The following IFITM10 variants were observed in gnomAD, a reference collection of about 807,000 sequenced individuals.
The protein encoded by IFITM10 is interferon induced transmembrane protein 10.
In IFITM10, 17 loss-of-function variants were observed where a neutral mutation model predicts 19.0. The observed-to-expected ratio is 0.90, with a 90% CI of 0.61 to 1.34. IFITM10 has a LOEUF of 1.34. Among genes scored for constraint, IFITM10 ranks in the 40% most tolerant of loss-of-function variants. The pLI is 0.00. For synonymous variants in IFITM10, 148 were observed against 147.2 expected, an observed-to-expected ratio of 1.01 and a Z score of -0.04; for missense variants, 306 against 319.8, an observed-to-expected ratio of 0.96 and a Z score of 0.33.
At chr11:1,736,381 A>C (rs952638109) in intron 2 of IFITM10, among the ~76,000 whole-genome samples, 7 of 152,136 alleles carry the variant, frequency 4.6e-5, no homozygotes, top group African/African-American at 1.7e-4. Context: ...ATGGATGTGT[A>C]ATTGAGTGGG....
At position 1,735,082 on chromosome 11, in the gene IFITM10, G is replaced by T; in HGVS notation, c.*198C>A. 1.7e-6 allele frequency: 1 copy of T among 589,180 alleles called. No individual in the cohort carries two copies. 36.5% of individuals were successfully genotyped at this position (589,180 alleles called of 1,614,324 possible). On this transcript the variant is annotated 3_prime_UTR_variant, in exon 3 of 3. Coordinates refer to ENST00000340134, the MANE Select transcript of IFITM10 (RefSeq NM_001170820.4). ...AGGGTGGAGGCCAGGAGGCGGAGGG[G>T]GTGGACTGAGGGCCAAGCTCACTGC...
intron 2 of IFITM10, among the ~76,000 whole-genome samples, chr11:1,742,939 GGATA>G (rs1022578338): frequency 2.6e-5 from 4 of 151,828 alleles, no homozygotes; most frequent in Admixed American, 1.3e-4. Flanking sequence ...GAGGATGGAT[GGATA>G]GATGGATGGA....
chr11:1,733,358 T>G lies in IFITM10; in HGVS notation c.*1922A>C, dbSNP rs1851048861. 6.6e-6 allele frequency: 1 copy of G among 152,178 alleles called. No homozygotes were observed. Among genetic ancestry groups the G allele is most frequent in the Admixed American group, 6.6e-5 (1 of 15,260 alleles). The allele number at this position is 152,178 out of a possible 1,614,324, so 9.4% of individuals were successfully genotyped here. Reference sequence around the variant, plus strand: ...CCCACCCTGTCCCCTCTCTCGACTCTGACCCCCAAGCCCTCCCATTTTGAG... The same window carrying G: ...CCCACCCTGTCCCCTCTCTCGACTCGGACCCCCAAGCCCTCCCATTTTGAG... On this transcript the variant is annotated 3_prime_UTR_variant, in exon 3 of 3. Coordinates refer to ENST00000340134, the MANE Select transcript of IFITM10 (RefSeq NM_001170820.4). The surrounding 1 kb of genome is among the most constrained non-coding windows in gnomAD (Gnocchi z 6.3).
rs1249253696 is a variant in IFITM10 at position 1,733,345 on chromosome 11, C to T, written c.*1935G>A. The T allele has an allele frequency of 6.6e-6, 1 of 152,340 alleles. No individual in the cohort carries two copies. The highest frequency in any genetic ancestry group is 1.9e-4 in the East Asian group (1 of 5,158). The allele number at this position is 152,340 out of a possible 1,614,324, so 9.4% of individuals were successfully genotyped here. A position where few individuals can be genotyped will look rare whatever the true frequency, so the allele number is the denominator to read the frequency against. On this transcript the variant is annotated 3_prime_UTR_variant, in exon 3 of 3. Coordinates refer to ENST00000340134, the MANE Select transcript of IFITM10 (RefSeq NM_001170820.4). This position sits in a 1 kb window ranked among gnomAD's most constrained non-coding sequence, Gnocchi z 6.3. ...GTCCCACATGGTCCCCACCCTGTCC[C>T]CTCTCTCGACTCTGACCCCCAAGCC...
chr11:1,745,023 C>G (rs954911708), intron 2 of IFITM10: 1 of 152,542 alleles, frequency 6.6e-6, no homozygotes, highest in Non-Finnish European at 1.5e-5. Context: ...CACCCACTCC[C>G]AGGTATGCCC....
intron 1 of IFITM10, chr11:1,748,718 C>A (rs1453833718): frequency 6.6e-6 from 1 of 152,292 alleles, no homozygotes; most frequent in African/African-American, 2.4e-5. Context: ...GCCACGAGCA[C>A]CAAGAACCGG....
At chr11:1,736,268 G>A (rs1263329256) in intron 2 of IFITM10, among the ~76,000 whole-genome samples, 1 of 152,176 alleles carries the variant, frequency 6.6e-6, no homozygotes, top group African/African-American at 2.4e-5. Flanking sequence ...TAGATACTGG[G>A]GCTGACTAAT....
chr11:1,738,493 C>A (rs975026572), intron 2 of IFITM10, among the ~76,000 whole-genome samples: 9 of 152,050 alleles, frequency 5.9e-5, no homozygotes, highest in African/African-American at 2.2e-4. Flanking sequence ...TCCAAGTGGA[C>A]AGATGGATAT....
At chr11:1,750,190 A>G (rs1590901222) in intron 1 of IFITM10, 169 bp downstream of exon 1, 2 of 707,554 alleles carry the variant, frequency 2.8e-6, no homozygotes, top group African/African-American at 1.9e-5. Flanking sequence ...CGCCTCCGCT[A>G]CCCCACCACA....
At chr11:1,737,266 TCTAA>T (rs1321125613) in intron 2 of IFITM10, among the ~76,000 whole-genome samples, 5 of 152,366 alleles carry the variant, frequency 3.3e-5, no homozygotes, top group East Asian at 1.9e-4. Context: ...AAATTGCATG[TCTAA>T]CTGATTTTGT....
At chr11:1,749,530 A>C (rs1845694230) in intron 1 of IFITM10, among the ~76,000 whole-genome samples, 1 of 122,630 alleles carries the variant, frequency 8.2e-6, no homozygotes, top group Admixed American at 9.2e-5. Context: ...TCCTCTTCCC[A>C]CTCTCCCCAT....
intron 2 of IFITM10, among the ~76,000 whole-genome samples, chr11:1,737,738 C>A (rs1045884965): frequency 9.9e-5 from 15 of 152,230 alleles, no homozygotes; most frequent in Admixed American, 5.2e-4. Flanking sequence ...CTCATCTTAT[C>A]ATTAGAGGTC....
At position 1,734,973 on chromosome 11, in the gene IFITM10, A is replaced by C; in HGVS notation, c.*307T>G. 2 of 384,792 alleles carry C rather than the reference A, an allele frequency of 5.2e-6. No individual in the cohort carries two copies. Among genetic ancestry groups the C allele is most frequent in the Non-Finnish European group, 4.7e-6 (1 of 212,988 alleles). The allele number at this position is 384,792 out of a possible 1,614,324, so 23.8% of individuals were successfully genotyped here. A position where few individuals can be genotyped will look rare whatever the true frequency, so the allele number is the denominator to read the frequency against. On this transcript the variant is annotated 3_prime_UTR_variant, in exon 3 of 3. Coordinates refer to ENST00000340134, the MANE Select transcript of IFITM10 (RefSeq NM_001170820.4). ...TCCAAGGGGCCCCAGGAGCCTGGGA[A>C]GGGGCACGTGAGGGCAGGGACACAG... is the stretch of plus-strand genomic sequence containing the variant.
At chr11:1,740,195 G>A (rs1428603987) in intron 2 of IFITM10, among the ~76,000 whole-genome samples, 1 of 150,960 alleles carries the variant, frequency 6.6e-6, no homozygotes, top group Non-Finnish European at 1.5e-5. Flanking sequence ...AGCTACTCAA[G>A]AGGCTGAGGC....
Position 1,750,421 on chromosome 11 carries a change from G to A in IFITM10, c.22C>T (p.Pro8Ser). The part of the protein sequence containing the change: MREGKRG[P>S]PCILSFRGTL... Reference sequence around the variant, plus strand: ...CCCCGGAAGCTGAGGATGCATGGCGGCCCCCGTTTTCCCTCCCTCATCTCT... The same window carrying A: ...CCCCGGAAGCTGAGGATGCATGGCGACCCCCGTTTTCCCTCCCTCATCTCT... Residue 8 changes from proline (P) to serine (S), a missense_variant, in exon 1 of 3, where the codon CCG becomes TCG. Coordinates refer to ENST00000340134, the MANE Select transcript of IFITM10 (RefSeq NM_001170820.4). 1.3e-6 allele frequency: 2 copies of A among 1,550,206 alleles called. No individual in the cohort carries two copies. Among genetic ancestry groups the A allele is most frequent in the Non-Finnish European group, 1.7e-6 (2 of 1,146,920 alleles).
At chr11:1,740,292 T>A (rs1313234812) in intron 2 of IFITM10, among the ~76,000 whole-genome samples, 1 of 94,858 alleles carries the variant, frequency 1.1e-5, no homozygotes, top group Admixed American at 1.6e-4. Context: ...AGAGCAAGAC[T>A]CCATCTCAAA....
chr11:1,749,470 C>T (rs577676683), intron 1 of IFITM10, among the ~76,000 whole-genome samples: 1 of 131,024 alleles, frequency 7.6e-6, no homozygotes, highest in South Asian at 2.6e-4. Flanking sequence ...CCGTGGAAGA[C>T]TGGACGCTCC....
chr11:1,735,515 A>C, intron 2 of IFITM10, 86 bp from the exon 3 acceptor site: 2 of 1,260,900 alleles, frequency 1.6e-6, no homozygotes, highest in Non-Finnish European at 2.2e-6. Flanking sequence ...AGCCGGTGCC[A>C]CAGTGCTCAG....
intron 1 of IFITM10, chr11:1,749,162 G>A (rs1845688839): frequency 1.4e-5 from 13 of 925,932 alleles, no homozygotes; most frequent in Non-Finnish European, 1.7e-5. Context: ...GCTCGGCGGC[G>A]GCGCCGCTGC....
Sources: gnomAD v4.1 joint callset for allele counts (sites outside exome capture counted in the v4.1 genomes callset) on GRCh38, gnomAD v4.1.1 for gene constraint, Gnocchi (gnomAD v3.1) non-coding constraint, MANE v1.5 for transcripts, NCBI Gene and HGNC (gene_info 2026-07-23, HGNC 2026-07-21) for gene names.